Variants in NELL1 observed in about 807,000 individuals in gnomAD.
NELL1 encodes the protein protein kinase C-binding protein NELL1.
A neutral mutation model predicts 107.4 loss-of-function variants in NELL1; 76 were observed. That is an observed-to-expected ratio of 0.71 (90% CI 0.59 to 0.86). The LOEUF is 0.86. Among genes scored for constraint, NELL1 ranks in the 40% least tolerant of loss-of-function variants. The pLI is 0.00. For synonymous variants in NELL1, 353 were observed against 341.2 expected, an observed-to-expected ratio of 1.03 and a Z score of -0.38; for missense variants, 1,024 against 1,005.5, an observed-to-expected ratio of 1.02 and a Z score of -0.25.
chr11:20,748,895 T>C (rs1360586224), intron 2 of NELL1, among the ~76,000 whole-genome samples: 2 of 141,406 alleles, frequency 1.4e-5, no homozygotes, highest in Middle Eastern at 3.6e-3. Context: ...CATCCATCCA[T>C]CCATCCACCC....
At chr11:21,434,062 C>T (rs1003793696) in intron 15 of NELL1, among the ~76,000 whole-genome samples, 4 of 152,100 alleles carry the variant, frequency 2.6e-5, no homozygotes, top group Admixed American at 6.5e-5. Flanking sequence ...GCTGTTGAGA[C>T]GTTTGTGGTC....
At chr11:21,059,717 G>C (rs1853693782) in intron 12 of NELL1, among the ~76,000 whole-genome samples, 1 of 152,126 alleles carries the variant, frequency 6.6e-6, no homozygotes, top group Non-Finnish European at 1.5e-5. Flanking sequence ...AGGAATAACA[G>C]AGCATGGGGA....
intron 14 of NELL1, among the ~76,000 whole-genome samples, chr11:21,304,345 C>G (rs1052824435): frequency 6.6e-6 from 1 of 151,946 alleles, no homozygotes; most frequent in African/African-American, 2.4e-5. Context: ...ATAACAAAGT[C>G]TTAGGAATTG....
intron 14 of NELL1, among the ~76,000 whole-genome samples, chr11:21,298,847 A>C (rs1359299350): frequency 6.6e-6 from 1 of 152,068 alleles, no homozygotes; most frequent in Non-Finnish European, 1.5e-5. Flanking sequence ...CTTCTACCTG[A>C]TACTTTCCTC....
chr11:21,326,886 T>A (rs1419524208), intron 14 of NELL1, among the ~76,000 whole-genome samples: 1 of 152,180 alleles, frequency 6.6e-6, no homozygotes, highest in East Asian at 1.9e-4. Context: ...TTTAAATAGT[T>A]GGATTGGATT....
chr11:20,934,296 T>TA (rs1850678134), intron 9 of NELL1, among the ~76,000 whole-genome samples: 1 of 152,202 alleles, frequency 6.6e-6, no homozygotes, highest in Non-Finnish European at 1.5e-5. Context: ...CATAGATACA[T>TA]ACATTCTGCA....
chr11:21,204,209 C>T (rs1857337410), intron 13 of NELL1, among the ~76,000 whole-genome samples: 1 of 152,126 alleles, frequency 6.6e-6, no homozygotes, highest in African/African-American at 2.4e-5. Flanking sequence ...GAGTGTTTTC[C>T]AACTTGGTTC....
At chr11:21,186,863 C>T (rs1293861075) in intron 13 of NELL1, among the ~76,000 whole-genome samples, 4 of 151,836 alleles carry the variant, frequency 2.6e-5, no homozygotes, top group South Asian at 4.1e-4. Flanking sequence ...TCTACAAACC[C>T]TCAATCTGTT....
rs566268176 is a variant in NELL1 at position 21,013,554 on chromosome 11, A to G, written c.1300+52994A>G. ...CTGAGGAATAAATGGGTCCTACGTT[A>G]TCTGCTAAGGATGTATTTCCCCTCT... On this transcript the variant is annotated intron_variant, in intron 12 of 19. Transcript: ENST00000357134. Among the ~76,000 whole-genome samples the G allele has an allele frequency of 1.8e-4, 27 of 152,244 alleles. No individual in the cohort carries two copies. The East Asian group carries it at 2.5e-3, about 14-fold the overall frequency.
intron 5 of NELL1, among the ~76,000 whole-genome samples, chr11:20,898,434 G>T (rs10833410): frequency 0.58 from 87,374 of 151,712 alleles, 29,920 homozygotes; most frequent in Non-Finnish European, 0.77. Context: ...GTGGGGGGAA[G>T]GGGGAGGGAT....
intron 2 of NELL1, among the ~76,000 whole-genome samples, chr11:20,755,297 C>T (rs1241333843): frequency 6.6e-6 from 1 of 152,102 alleles, no homozygotes; most frequent in East Asian, 1.9e-4. Context: ...CAGTTGTAGT[C>T]GCCTATTTGG....
At chr11:21,096,061 C>A (rs1292253740) in intron 12 of NELL1, among the ~76,000 whole-genome samples, 2 of 152,154 alleles carry the variant, frequency 1.3e-5, no homozygotes, top group East Asian at 1.9e-4. Context: ...TCCCAACAGT[C>A]TCTCCCACAA....
At chr11:21,128,704 C>T (rs997943187) in intron 13 of NELL1, among the ~76,000 whole-genome samples, 10 of 152,090 alleles carry the variant, frequency 6.6e-5, no homozygotes, top group Non-Finnish European at 1.3e-4. Context: ...GATGAAGGAA[C>T]AATTATTGTC....
chr11:20,701,191 A>G lies in NELL1; in HGVS notation c.184+23131A>G, dbSNP rs574204924. Among the ~76,000 whole-genome samples the G allele has an allele frequency of 2.4e-3, 366 of 152,072 alleles. 3 individuals are homozygous for G. The highest frequency in any genetic ancestry group is 8.4e-3 in the African/African-American group (346 of 41,408). ...ACCTGTTGTTTCTTGTCTTTTTAAT[A>G]ATTGCCATTCTAACTGGTGTGAGAT... On this transcript the variant is annotated intron_variant, in intron 2 of 19. Transcript: ENST00000357134.
intron 2 of NELL1, among the ~76,000 whole-genome samples, chr11:20,717,326 T>C (rs181520637): frequency 6.6e-6 from 1 of 152,332 alleles, no homozygotes; most frequent in East Asian, 1.9e-4. Flanking sequence ...CTTACGTTTG[T>C]CCCACCTAAA....
intron 3 of NELL1, among the ~76,000 whole-genome samples, chr11:20,827,329 GTCTT>G (rs944595644): frequency 1.3e-5 from 2 of 151,316 alleles, no homozygotes; most frequent in African/African-American, 4.8e-5. Context: ...GAGAAAGTAA[GTCTT>G]TCTTTCTGTA....
chr11:20,782,209 T>A (rs1349632239), intron 2 of NELL1, among the ~76,000 whole-genome samples: 2 of 152,210 alleles, frequency 1.3e-5, no homozygotes, highest in South Asian at 4.1e-4. Context: ...CAAGATGCTA[T>A]CTCTTTTCTC....
At chr11:21,277,932 A>G (rs1036896142) in intron 14 of NELL1, among the ~76,000 whole-genome samples, 1 of 152,178 alleles carries the variant, frequency 6.6e-6, no homozygotes, top group Non-Finnish European at 1.5e-5. Context: ...TAGCATTAGG[A>G]GATATACCTA....
intron 14 of NELL1, among the ~76,000 whole-genome samples, chr11:21,364,046 T>C (rs994002221): frequency 6.6e-6 from 1 of 152,180 alleles, no homozygotes; most frequent in Non-Finnish European, 1.5e-5. Context: ...ATAGCACTTG[T>C]AGACATTTTC....
Sources: allele counts gnomAD v4.1 joint callset (sites outside exome capture counted in the v4.1 genomes callset), GRCh38; gene constraint gnomAD v4.1.1; transcripts MANE v1.5; gene names NCBI Gene and HGNC (gene_info 2026-07-23, HGNC 2026-07-21).